The following BLTP3B variants were observed in gnomAD, a reference collection of about 807,000 sequenced individuals.
The protein encoded by BLTP3B is bridge-like lipid transfer protein family member 3B.
At chr12:100,135,216 G>C in the BLTP3B span, among the ~76,000 whole-genome samples, 1 of 151,724 alleles carries the variant, frequency 6.6e-6, no homozygotes, top group East Asian at 1.9e-4. Context: ...TGGACCCTTT[G>C]CATTTGTTCC....
At chr12:100,074,608 A>G in the BLTP3B span, among the ~76,000 whole-genome samples, 2 of 151,904 alleles carry the variant, frequency 1.3e-5, no homozygotes, top group South Asian at 2.1e-4. Context: ...AAAAAAAAAA[A>G]AAGTCCACAC....
At chr12:100,039,356 A>T in the BLTP3B span, among the ~76,000 whole-genome samples, 1 of 152,198 alleles carries the variant, frequency 6.6e-6, no homozygotes, top group African/African-American at 2.4e-5. Context: ...TTTCAAATAA[A>T]AAATCTACAA....
the BLTP3B span, chr12:100,059,629 C>A: frequency 7.4e-7 from 1 of 1,342,758 alleles, no homozygotes; most frequent in Non-Finnish European, 9.9e-7. Flanking sequence ...TTTTTCTTGA[C>A]CTTTCCCCCA....
chr12:100,123,988 G>A, the BLTP3B span, among the ~76,000 whole-genome samples: 361 of 152,266 alleles, frequency 2.4e-3, 2 homozygotes, highest in African/African-American at 8.2e-3. Context: ...AATAGGATAG[G>A]CATTGTGGCT....
chr12:100,059,049 G>A, the BLTP3B span: 2 of 1,613,990 alleles, frequency 1.2e-6, no homozygotes, highest in Non-Finnish European at 1.7e-6. Flanking sequence ...CTGATTACAA[G>A]TCTGCGGCTC....
At chr12:100,086,367 A>T in the BLTP3B span, 1 of 638,618 alleles carries the variant, frequency 1.6e-6, no homozygotes, top group South Asian at 1.6e-5. Flanking sequence ...CTCTGGGAAA[A>T]AAAAAGGGGG....
At chr12:100,106,839 A>C in the BLTP3B span, among the ~76,000 whole-genome samples, 4 of 152,348 alleles carry the variant, frequency 2.6e-5, no homozygotes, top group South Asian at 8.3e-4. Flanking sequence ...GTGACCATCA[A>C]AGGATATAGG....
the BLTP3B span, among the ~76,000 whole-genome samples, chr12:100,121,132 G>C: frequency 6.6e-6 from 1 of 152,224 alleles, no homozygotes; most frequent in East Asian, 1.9e-4. Context: ...CGGATCACCT[G>C]AGGTCAGGAG....
the BLTP3B span, chr12:100,072,963 A>G: frequency 1.2e-6 from 1 of 804,472 alleles, no homozygotes; most frequent in Non-Finnish European, 1.8e-6. Flanking sequence ...TTAACTTCAC[A>G]TGGAATTATT....
the BLTP3B span, among the ~76,000 whole-genome samples, chr12:100,099,304 T>C: frequency 6.6e-6 from 1 of 151,014 alleles, no homozygotes; most frequent in Non-Finnish European, 1.5e-5. Context: ...TATTCATTTT[T>C]ATATTGAAAA....
the BLTP3B span, among the ~76,000 whole-genome samples, chr12:100,097,813 TA>T: frequency 6.6e-6 from 1 of 152,212 alleles, no homozygotes; most frequent in African/African-American, 2.4e-5. Context: ...TTGGGGAATT[TA>T]AAAATTCAAT....
the BLTP3B span, among the ~76,000 whole-genome samples, chr12:100,114,202 A>T: frequency 5.6e-4 from 86 of 152,292 alleles, no homozygotes; most frequent in Non-Finnish European, 1.0e-3. Flanking sequence ...CAGGGGAAAG[A>T]TGCACATCTA....
the BLTP3B span, among the ~76,000 whole-genome samples, chr12:100,076,161 T>C: frequency 9.5e-4 from 144 of 152,174 alleles, 1 homozygote; most frequent in Non-Finnish European, 1.9e-3. Flanking sequence ...GTTACATTTT[T>C]TTCACCCCCC....
At chr12:100,047,552 G>T in the BLTP3B span, 2 of 1,611,320 alleles carry the variant, frequency 1.2e-6, no homozygotes, top group Non-Finnish European at 1.7e-6. Flanking sequence ...AAGAGCCATC[G>T]TCACTTCTCT....
the BLTP3B span, among the ~76,000 whole-genome samples, chr12:100,110,301 A>C: frequency 2.0e-5 from 3 of 152,208 alleles, no homozygotes; most frequent in African/African-American, 7.2e-5. Context: ...TTCTCACAGG[A>C]TGTCAACTGA....
the BLTP3B span, among the ~76,000 whole-genome samples, chr12:100,114,938 C>T: frequency 1.3e-5 from 2 of 152,100 alleles, no homozygotes; most frequent in African/African-American, 4.8e-5. Context: ...ATTTGAGGTA[C>T]TTGATTATCT....
the BLTP3B span, chr12:100,095,536 T>C: frequency 2.1e-6 from 2 of 966,952 alleles, no homozygotes; most frequent in Admixed American, 3.0e-5. Context: ...ATAGAAGATA[T>C]CTAGATAAAG....
chr12:100,078,369 T>C, the BLTP3B span, among the ~76,000 whole-genome samples: 1 of 152,198 alleles, frequency 6.6e-6, no homozygotes, highest in Non-Finnish European at 1.5e-5. Context: ...ATGCTTCCAA[T>C]ATAGCCTGCA....
chr12:100,038,769 A>G, the BLTP3B span, among the ~76,000 whole-genome samples: 1 of 152,232 alleles, frequency 6.6e-6, no homozygotes, highest in Non-Finnish European at 1.5e-5. Context: ...TAGAGCAAAT[A>G]TAGCCATTCC....
Sources: allele counts gnomAD v4.1 joint callset (sites outside exome capture counted in the v4.1 genomes callset), GRCh38; gene constraint gnomAD v4.1.1; transcripts MANE v1.5; gene names NCBI Gene and HGNC (gene_info 2026-07-23, HGNC 2026-07-21).